Variants in OCA2 observed in about 807,000 individuals in gnomAD.
OCA2 encodes the protein P protein.
OCA2 carries 77 observed loss-of-function variants against 100.2 expected under a neutral mutation model. That is an observed-to-expected ratio of 0.77 (90% confidence interval 0.64 to 0.93). The LOEUF (loss-of-function observed/expected upper bound fraction) is 0.93, where lower values mean the gene tolerates loss of function less well. Ranked by LOEUF, OCA2 falls within the 40% of genes least tolerant of loss-of-function variation. The pLI is 0.00. For synonymous variants in OCA2, 432 were observed against 439.2 expected (o/e 0.98, Z 0.21); for missense variants, 1,062 against 1,089.1 (o/e 0.98, Z 0.35).
chr15:27,884,108 G>A (rs1008906541), intron 19 of OCA2, among the ~76,000 whole-genome samples: 22 of 152,198 alleles, frequency 1.4e-4, no homozygotes, highest in Admixed American at 6.5e-5. Flanking sequence ...TGTGCCAGGC[G>A]TGGTGACTCA....
At chr15:28,093,457 C>T (rs962591328) in intron 1 of OCA2, among the ~76,000 whole-genome samples, 1 of 151,834 alleles carries the variant, frequency 6.6e-6, no homozygotes, top group African/African-American at 2.4e-5. Context: ...GAGACAACAC[C>T]GCCAGCTGCC....
intron 19 of OCA2, among the ~76,000 whole-genome samples, chr15:27,887,402 C>T (rs75539922): frequency 0.016 from 2,363 of 151,124 alleles, 56 homozygotes; most frequent in African/African-American, 0.05. Context: ...ATCAGGGGAA[C>T]ATGCCCCCCT....
intron 6 of OCA2, among the ~76,000 whole-genome samples, chr15:28,019,355 C>T (rs62007485): frequency 0.57 from 86,256 of 151,320 alleles, 28,179 homozygotes; most frequent in Middle Eastern, 0.76. Flanking sequence ...ACAAGGACGG[C>T]GCCCTTAACT....
At chr15:27,748,294 G>A in the OCA2 span, among the ~76,000 whole-genome samples, 13 of 152,264 alleles carry the variant, frequency 8.5e-5, no homozygotes, top group Admixed American at 6.5e-4. Flanking sequence ...GCTCATGGTC[G>A]GCACTGCTCC....
At chr15:27,872,184 C>G (rs558675116) in intron 19 of OCA2, among the ~76,000 whole-genome samples, 2 of 152,074 alleles carry the variant, frequency 1.3e-5, no homozygotes, top group Admixed American at 1.3e-4. Context: ...AATTTAAATC[C>G]GAATGGAAGA....
intron 9 of OCA2, among the ~76,000 whole-genome samples, chr15:27,991,297 C>G (rs970183107): frequency 2.6e-5 from 4 of 152,118 alleles, no homozygotes; most frequent in African/African-American, 9.7e-5. Flanking sequence ...GGAATCCACC[C>G]AAAAGAAATG....
chr15:27,956,148 G>A (rs1020551889), intron 16 of OCA2, among the ~76,000 whole-genome samples: 8 of 152,082 alleles, frequency 5.3e-5, no homozygotes, highest in South Asian at 2.1e-4. Context: ...TTGGGAGTTC[G>A]AGATCAGCCT....
chr15:27,870,818 G>GAGAA (rs373071470), intron 21 of OCA2, among the ~76,000 whole-genome samples: 3 of 148,382 alleles, frequency 2.0e-5, no homozygotes, highest in African/African-American at 7.8e-5. Flanking sequence ...GAAAGAGAGA[G>GAGAA]AGAAAGAAAG....
intron 5 of OCA2, 82 bp from the exon 6 acceptor site, chr15:28,022,655 C>T: frequency 9.7e-7 from 1 of 1,030,334 alleles, no homozygotes. Context: ...CAGTCGAAAA[C>T]AGATGTGATG....
rs138721664 is a variant in OCA2, at chr15:27,816,611, T to C, written c.2432+28348A>G. On this transcript the variant is annotated intron_variant, in intron 23 of 23. Transcript: ENST00000354638. ...CAGGGAAGGTGCCCCATGGCTCTAC[T>C]GTCCACAGGGCTTTCTCCTGACCCT... Among the ~76,000 whole-genome samples, 177 of 152,156 alleles carry C rather than the reference T, an allele frequency of 1.2e-3. 1 individual carries two copies. The highest frequency in any genetic ancestry group is 3.4e-3 in the Middle Eastern group (1 of 292).
intron 23 of OCA2, among the ~76,000 whole-genome samples, chr15:27,757,230 A>G (rs1042038828): frequency 2.6e-5 from 4 of 152,234 alleles, no homozygotes; most frequent in African/African-American, 9.6e-5. Flanking sequence ...ATTAAGAGTG[A>G]TTAAGAGTGT....
chr15:28,064,574 T>C (rs933854549), intron 2 of OCA2, among the ~76,000 whole-genome samples: 4 of 152,166 alleles, frequency 2.6e-5, no homozygotes, highest in African/African-American at 9.6e-5. Context: ...TGTGAGTTTT[T>C]CATTTCATTT....
chr15:27,958,795 C>T (rs1186566519), intron 15 of OCA2, among the ~76,000 whole-genome samples: 1 of 152,096 alleles, frequency 6.6e-6, no homozygotes, highest in African/African-American at 2.4e-5. Context: ...CCCTTACGTG[C>T]AATACTCCAC....
rs759876062 is a variant in OCA2, at chr15:28,016,163, A to T, written c.831T>A (p.Tyr277Ter). The change falls in exon 8 of 24, where the codon TAT becomes TAA. Residue 277 changes from tyrosine to a stop codon, truncating the protein, a stop_gained. Transcript: ENST00000354638. LOFTEE classifies it high-confidence loss of function. ...AGTGCTCGCTTCTCCTCGGATTTAA[A>T]TACACCGTCCAGTTGTGAGTGACCT... is the stretch of plus-strand genomic sequence containing the variant. ...PQQVTHNWTV[Y>*]LNPRRSEHSV... 2 of 1,614,170 alleles carry T rather than the reference A, an allele frequency of 1.2e-6. No individual in the cohort carries two copies. Among genetic ancestry groups the T allele is most frequent in the Admixed American group, 3.3e-5 (2 of 60,016 alleles).
chr15:27,967,254 C>CTTAG (rs1310186826), intron 14 of OCA2, among the ~76,000 whole-genome samples: 1 of 152,198 alleles, frequency 6.6e-6, no homozygotes, highest in Non-Finnish European at 1.5e-5. Flanking sequence ...GTTCCAGGAC[C>CTTAG]TTAGGCAGAG....
At chr15:27,917,987 C>T (rs749413790) in intron 19 of OCA2, among the ~76,000 whole-genome samples, 34 of 151,924 alleles carry the variant, frequency 2.2e-4, no homozygotes, top group Non-Finnish European at 4.3e-4. Context: ...TTTTAGACTA[C>T]TTAAGTTGGA....
chr15:27,930,136 A>G (rs2039194985), intron 18 of OCA2, among the ~76,000 whole-genome samples: 2 of 152,200 alleles, frequency 1.3e-5, no homozygotes, highest in South Asian at 2.1e-4. Flanking sequence ...TCCACTTTCA[A>G]GTATTTACCC....
intron 19 of OCA2, among the ~76,000 whole-genome samples, chr15:27,906,399 A>C (rs528989517): frequency 2.6e-5 from 4 of 152,314 alleles, no homozygotes; most frequent in African/African-American, 9.6e-5. Context: ...AAATATAACA[A>C]GGGTCACTAA....
intron 23 of OCA2, among the ~76,000 whole-genome samples, chr15:27,771,122 TTTCCTTCCCTCCC>T (rs1009764004): frequency 9.1e-5 from 11 of 120,770 alleles, no homozygotes; most frequent in Middle Eastern, 3.9e-3. Flanking sequence ...TTCTTCCTTC[TTTCCTTCCCTCCC>T]TTCCTTCCCT....
Sources: allele counts gnomAD v4.1 joint callset (sites outside exome capture counted in the v4.1 genomes callset), GRCh38; gene constraint gnomAD v4.1.1; transcripts MANE v1.5; gene names NCBI Gene and HGNC (gene_info 2026-07-23, HGNC 2026-07-21).